The following GRID1 variants were observed in gnomAD, a reference collection of about 807,000 sequenced individuals.
GRID1 encodes glutamate receptor ionotropic, delta-1.
Under a neutral mutation model 98.0 loss-of-function variants are expected in GRID1, and 28 were observed. The ratio of observed to expected loss-of-function variants is 0.29; its 90% CI spans 0.21 to 0.39. The LOEUF (loss-of-function observed/expected upper bound fraction) is 0.39. GRID1 is among the 10% of genes least tolerant of loss of function. The pLI, the probability that GRID1 is intolerant of heterozygous loss-of-function variation, is 1.00. For missense variants in GRID1, 1,111 were observed against 1,340.5 expected, an observed-to-expected ratio of 0.83 and a Z score of 2.67; for synonymous variants, 553 against 538.5, an observed-to-expected ratio of 1.03 and a Z score of -0.37.
At chr10:85,811,631 A>G (rs1406224460) in intron 8 of GRID1, among the ~76,000 whole-genome samples, 1 of 152,190 alleles carries the variant, frequency 6.6e-6, no homozygotes, top group Non-Finnish European at 1.5e-5. Context: ...AAACTTCAAG[A>G]CAGATCTTTT....
At chr10:86,268,688 G>A in intron 2 of GRID1, among the ~76,000 whole-genome samples, 1 of 152,238 alleles carries the variant, frequency 6.6e-6, no homozygotes, top group East Asian at 1.9e-4. Context: ...CGTGAAGCAT[G>A]TTAGAAAGAT....
At chr10:86,341,892 C>T (rs146151452) in intron 2 of GRID1, among the ~76,000 whole-genome samples, 283 of 152,316 alleles carry the variant, frequency 1.9e-3, no homozygotes, top group African/African-American at 6.2e-3. Context: ...TTCCAGGGAG[C>T]ATCTTTGCCT....
At position 86,045,871 on chromosome 10, in the gene GRID1, T is replaced by C. The variant is rs139110869; in HGVS notation, c.726+92948A>G. The stretch of plus-strand genomic sequence containing the variant: ...ACAGAGGCTGCACTGGCTGAAACCG[T>C]AGTTTAGAGAGAAAGGATGCCAGTG... On this transcript the variant is annotated intron_variant, in intron 4 of 15. Coordinates refer to ENST00000327946, the MANE Select transcript of GRID1 (RefSeq NM_017551.3). 9.5e-4 allele frequency among the ~76,000 whole-genome samples: 145 copies of C among 152,256 alleles called. No individual in the cohort carries two copies. In the East Asian group the frequency reaches 0.023, roughly 24 times the overall value.
chr10:85,768,259 A>C (rs1343239987), intron 8 of GRID1, among the ~76,000 whole-genome samples: 1 of 151,896 alleles, frequency 6.6e-6, no homozygotes, highest in Non-Finnish European at 1.5e-5. Context: ...CACAACACAC[A>C]ATACACCAGG....
At chr10:86,092,237 G>T (rs992754875) in intron 4 of GRID1, among the ~76,000 whole-genome samples, 1 of 152,150 alleles carries the variant, frequency 6.6e-6, no homozygotes, top group African/African-American at 2.4e-5. Flanking sequence ...ACAAAAGAAT[G>T]ATACAAGAAA....
rs762637086 is a variant in GRID1, at chr10:86,363,938, C to A, written c.235+3G>T. ...GTGGGCCCTGGGCACAGCGGTCACTCACCTTCCTGCACAGCCTGGAATGGG... is the reference window on the plus strand; with the variant it reads ...GTGGGCCCTGGGCACAGCGGTCACTAACCTTCCTGCACAGCCTGGAATGGG... On this transcript the variant is annotated splice_donor_region_variant and intron_variant, in intron 2 of 15. Transcript: ENST00000327946. 2.5e-6 allele frequency: 4 copies of A among 1,613,154 alleles called. No homozygotes were observed. In the South Asian group the frequency reaches 4.4e-5, roughly 18 times the overall value.
At chr10:86,029,966 C>G (rs1289114952) in intron 4 of GRID1, among the ~76,000 whole-genome samples, 2 of 152,204 alleles carry the variant, frequency 1.3e-5, no homozygotes, top group African/African-American at 2.4e-5. Flanking sequence ...GCTATACTTA[C>G]TCTACTATTT....
At chr10:85,986,915 A>G (rs1283563394) in intron 4 of GRID1, among the ~76,000 whole-genome samples, 3 of 152,078 alleles carry the variant, frequency 2.0e-5, no homozygotes, top group Non-Finnish European at 4.4e-5. Context: ...CCCATTCAGC[A>G]CTCTCAGAAG....
rs150657230 is a variant in GRID1, at chr10:86,298,463, C to T, written c.235+65478G>A. ...GTCTCTTTAGCTATAAGGTCAGCCT[C>T]ACCTGACGTTCACTCCCTGCACTCC... On this transcript the variant is annotated intron_variant, in intron 2 of 15. Transcript: ENST00000327946. 2.6e-3 allele frequency among the ~76,000 whole-genome samples: 397 copies of T among 152,202 alleles called. 2 individuals are homozygous for T. The highest frequency in any genetic ancestry group is 9.2e-3 in the African/African-American group (381 of 41,476).
intron 2 of GRID1, among the ~76,000 whole-genome samples, chr10:86,334,338 A>G (rs916766714): frequency 2.6e-5 from 4 of 152,022 alleles, no homozygotes; most frequent in Non-Finnish European, 5.9e-5. Context: ...CCCAGAGTGG[A>G]TGGGGGTGGG....
chr10:86,242,569 G>T (rs1846655273), intron 2 of GRID1, among the ~76,000 whole-genome samples: 1 of 152,214 alleles, frequency 6.6e-6, no homozygotes, highest in African/African-American at 2.4e-5. Context: ...TTTTGAAAGG[G>T]ATATAGGTAA....
At chr10:86,347,596 G>T (rs1369871632) in intron 2 of GRID1, among the ~76,000 whole-genome samples, 2 of 152,248 alleles carry the variant, frequency 1.3e-5, no homozygotes, top group Non-Finnish European at 2.9e-5. Context: ...CAGGCAGGAG[G>T]CTGCCCAGGA....
At chr10:85,742,392 G>A (rs1297034234) in intron 8 of GRID1, among the ~76,000 whole-genome samples, 1 of 151,872 alleles carries the variant, frequency 6.6e-6, no homozygotes, top group Admixed American at 6.6e-5. Context: ...GGCTGCATTG[G>A]GCCCAAGGGC....
At chr10:85,829,095 A>G (rs1486401203) in intron 8 of GRID1, among the ~76,000 whole-genome samples, 1 of 152,214 alleles carries the variant, frequency 6.6e-6, no homozygotes, top group African/African-American at 2.4e-5. Flanking sequence ...CAACATATCA[A>G]AAAGCGAATC....
rs565707563 is a variant in GRID1, at chr10:85,879,696, A to G, written c.781-10516T>C. Among the ~76,000 whole-genome samples, 169 of 152,332 alleles carry G rather than the reference A, an allele frequency of 1.1e-3. 1 individual carries two copies. The highest frequency in any genetic ancestry group is 2.0e-3 in the Non-Finnish European group (133 of 68,034). On this transcript the variant is annotated intron_variant, in intron 5 of 15. Transcript: ENST00000327946. ...AAAGATCCAAAATTGACACCCTAAC[A>G]TCACAATTAAAAGAACTAGAAAACC...
At chr10:85,953,059 A>T (rs1259909690) in intron 4 of GRID1, among the ~76,000 whole-genome samples, 1 of 152,192 alleles carries the variant, frequency 6.6e-6, no homozygotes, top group Non-Finnish European at 1.5e-5. Context: ...AGTATGTGTT[A>T]ATTTTTTATA....
intron 8 of GRID1, among the ~76,000 whole-genome samples, chr10:85,765,884 G>A (rs983105067): frequency 6.6e-6 from 1 of 152,204 alleles, no homozygotes; most frequent in African/African-American, 2.4e-5. Context: ...AGGAAGCTAA[G>A]TTTTGGGTCT....
intron 3 of GRID1, among the ~76,000 whole-genome samples, chr10:86,141,519 G>A (rs1406145056): frequency 2.0e-5 from 3 of 152,166 alleles, no homozygotes; most frequent in African/African-American, 4.8e-5. Context: ...AGCACCCAGC[G>A]GCCACCCACA....
chr10:85,671,504 T>C (rs1213576583), intron 12 of GRID1, among the ~76,000 whole-genome samples: 2 of 152,148 alleles, frequency 1.3e-5, no homozygotes, highest in Admixed American at 1.3e-4. Flanking sequence ...TCAGTAAATG[T>C]TGTGTATGTT....
Sources: gnomAD v4.1 joint callset for allele counts (sites outside exome capture counted in the v4.1 genomes callset) on GRCh38, gnomAD v4.1.1 for gene constraint, MANE v1.5 for transcripts, NCBI Gene and HGNC (gene_info 2026-07-23, HGNC 2026-07-21) for gene names.